Variants in KSR2 observed in about 807,000 individuals in gnomAD.
The protein encoded by KSR2 is kinase suppressor of ras 2.
A neutral mutation model predicts 107.8 loss-of-function variants in KSR2; 25 were observed. The ratio of observed to expected loss-of-function variants is 0.23; its 90% CI spans 0.17 to 0.32. KSR2 has a LOEUF of 0.32. Among genes scored for constraint, KSR2 ranks in the 10% least tolerant of loss-of-function variants. KSR2 has a pLI of 1.00. For synonymous variants in KSR2, 480 were observed against 507.0 expected, an observed-to-expected ratio of 0.95 and a Z score of 0.71; for missense variants, 887 against 1,268.9, an observed-to-expected ratio of 0.70 and a Z score of 4.57.
chr12:117,947,258 A>AAAGAAAGAAAGAAAGAAAGAAAGAC (rs1566094758), intron 1 of KSR2, among the ~76,000 whole-genome samples: 1 of 72,406 alleles, frequency 1.4e-5, no homozygotes, highest in Non-Finnish European at 2.8e-5. Flanking sequence ...AGAAAGAAAG[A>AAAGAAAGAAAGAAAGAAAGAAAGAC]AGATAAACCA....
chr12:117,676,948 T>A (rs1449912139), intron 4 of KSR2, among the ~76,000 whole-genome samples: 1 of 152,166 alleles, frequency 6.6e-6, no homozygotes, highest in Non-Finnish European at 1.5e-5. Flanking sequence ...AGTGTACAAA[T>A]GCTATGACTT....
intron 3 of KSR2, among the ~76,000 whole-genome samples, chr12:117,802,644 G>GC (rs959239620): frequency 7.2e-5 from 11 of 152,142 alleles, no homozygotes; most frequent in Admixed American, 5.9e-4. Flanking sequence ...CTCTTAGCAG[G>GC]CCCCCTGGGA....
chr12:117,790,458 A>G (rs779107580), intron 3 of KSR2, among the ~76,000 whole-genome samples: 2 of 152,158 alleles, frequency 1.3e-5, no homozygotes, highest in Non-Finnish European at 2.9e-5. Context: ...TACCTAAACA[A>G]TAGGGCAGAG....
Position 117,454,824 on chromosome 12 carries a change from G to C in KSR2, c.*12375C>G, listed in dbSNP as rs1870516591. 1 of 152,228 alleles carries C rather than the reference G, an allele frequency of 6.6e-6. No homozygotes were observed. The highest frequency in any genetic ancestry group is 6.5e-5 in the Admixed American group (1 of 15,270). The allele number at this position is 152,228 out of a possible 1,614,324, so 9.4% of individuals were successfully genotyped here. On this transcript the variant is annotated 3_prime_UTR_variant, in exon 20 of 20. Transcript: ENST00000339824. The stretch of plus-strand genomic sequence containing the variant: ...AACTGGGGGCCCCAGAGACATCAGA[G>C]ACACAGGTCGCAAGAGTCGATAGAG...
chr12:117,909,095 G>A (rs1013559361), intron 1 of KSR2, among the ~76,000 whole-genome samples: 12 of 151,918 alleles, frequency 7.9e-5, no homozygotes, highest in African/African-American at 2.7e-4. Context: ...TTATACCAGT[G>A]GTCTTTGAAC....
intron 3 of KSR2, among the ~76,000 whole-genome samples, chr12:117,834,950 G>A (rs897189482): frequency 7.2e-5 from 11 of 152,334 alleles, no homozygotes; most frequent in African/African-American, 2.4e-4. Flanking sequence ...GAAGCTGTGC[G>A]GGTAAACCAG....
intron 4 of KSR2, among the ~76,000 whole-genome samples, chr12:117,744,637 G>A (rs1188444095): frequency 1.3e-5 from 2 of 152,156 alleles, no homozygotes; most frequent in Admixed American, 6.5e-5. Flanking sequence ...ACTGACAGCT[G>A]CCCTGCATGG....
rs1254561915 is a variant in KSR2 at position 117,761,044 on chromosome 12, A to C, written c.953T>G (p.Leu318Arg). The change falls in exon 4 of 20, where the codon CTG (leucine) becomes CGG (arginine). Residue 318 changes from leucine to arginine, a missense_variant. Coordinates refer to ENST00000339824, the MANE Select transcript of KSR2 (RefSeq NM_173598.6). Reference protein sequence around the residue: ...LHRSKSHEFQLGHRVDEAHTP... With the variant: ...LHRSKSHEFQRGHRVDEAHTP... ...GTGGGCCTCGTCCACGCGGTGCCCCAGCTGGAACTCGTGGGATTTGCTCCG... is the reference window on the plus strand; with the variant it reads ...GTGGGCCTCGTCCACGCGGTGCCCCCGCTGGAACTCGTGGGATTTGCTCCG... 1.2e-6 allele frequency: 2 copies of C among 1,613,630 alleles called. No homozygotes were observed. Among genetic ancestry groups the C allele is most frequent in the Non-Finnish European group, 1.7e-6 (2 of 1,179,742 alleles).
chr12:117,794,546 T>G (rs1345483356), intron 3 of KSR2, among the ~76,000 whole-genome samples: 1 of 108,228 alleles, frequency 9.2e-6, no homozygotes, highest in Non-Finnish European at 1.8e-5. Context: ...ACATGCACAC[T>G]CAACCAACAT....
chr12:117,957,831 CT>C (rs566320050), intron 1 of KSR2, among the ~76,000 whole-genome samples: 11,853 of 136,990 alleles, frequency 0.087, 617 homozygotes, highest in Middle Eastern at 0.17. Context: ...GGCTGACCAC[CT>C]TTTTTTTTTT....
At chr12:117,639,994 ATCC>A (rs1883285165) in intron 5 of KSR2, among the ~76,000 whole-genome samples, 1 of 152,060 alleles carries the variant, frequency 6.6e-6, no homozygotes, top group South Asian at 2.1e-4. Context: ...AAGTGGAAAA[ATCC>A]TCATTTTCCT....
chr12:117,688,244 G>C (rs1189259737), intron 4 of KSR2, among the ~76,000 whole-genome samples: 3 of 152,188 alleles, frequency 2.0e-5, no homozygotes, highest in Admixed American at 6.5e-5. Context: ...GCCAGGAATG[G>C]TGGTGGGTGC....
chr12:117,581,306 C>T (rs991792141), intron 6 of KSR2, among the ~76,000 whole-genome samples: 3 of 152,126 alleles, frequency 2.0e-5, no homozygotes, highest in African/African-American at 7.2e-5. Context: ...TGTTAACTAT[C>T]TGACCCTCCC....
chr12:117,867,033 G>C (rs1232670344), intron 1 of KSR2, among the ~76,000 whole-genome samples: 2 of 151,568 alleles, frequency 1.3e-5, no homozygotes, highest in East Asian at 3.9e-4. Context: ...TCCCTAAACA[G>C]GGCCAGGCAC....
intron 2 of KSR2, among the ~76,000 whole-genome samples, chr12:117,857,162 G>T (rs981948893): frequency 6.6e-6 from 1 of 152,094 alleles, no homozygotes; most frequent in Non-Finnish European, 1.5e-5. Flanking sequence ...GGGTTCAAGC[G>T]ACCCTCCCAC....
chr12:117,774,777 T>C (rs1889626396), intron 3 of KSR2, among the ~76,000 whole-genome samples: 2 of 152,170 alleles, frequency 1.3e-5, no homozygotes, highest in Non-Finnish European at 2.9e-5. Flanking sequence ...ACACTATCAT[T>C]ACACCCAAAA....
intron 5 of KSR2, among the ~76,000 whole-genome samples, chr12:117,626,192 GTCTCTA>G (rs1882501914): frequency 1.3e-5 from 2 of 151,822 alleles, no homozygotes; most frequent in South Asian, 2.1e-4. Context: ...GGTTTTTTGT[GTCTCTA>G]TCTCTTTCAG....
At chr12:117,710,309 C>T (rs759674917) in intron 4 of KSR2, among the ~76,000 whole-genome samples, 1 of 152,130 alleles carries the variant, frequency 6.6e-6, no homozygotes, top group Non-Finnish European at 1.5e-5. Flanking sequence ...TTATCCGCCT[C>T]TCATCTTTTA....
chr12:117,523,896 C>T (rs556657755), intron 14 of KSR2, among the ~76,000 whole-genome samples: 10 of 151,764 alleles, frequency 6.6e-5, no homozygotes, highest in South Asian at 2.1e-4. Context: ...CGCTTGAACC[C>T]GGGAGGTGGA....
Sources: allele counts gnomAD v4.1 joint callset (sites outside exome capture counted in the v4.1 genomes callset), GRCh38; gene constraint gnomAD v4.1.1; transcripts MANE v1.5; gene names NCBI Gene and HGNC (gene_info 2026-07-23, HGNC 2026-07-21).